KCNQ5: variants seen among roughly 807,000 people sequenced by gnomAD.
KCNQ5 encodes potassium voltage-gated channel subfamily KQT member 5.
In KCNQ5, 30 loss-of-function variants were observed where a neutral mutation model predicts 98.2. That is an observed-to-expected ratio of 0.31 (90% CI 0.23 to 0.41). The LOEUF is 0.41. KCNQ5 is among the 10% of genes least tolerant of loss of function. The probability of loss-of-function intolerance (pLI) is 1.00; values close to 1 mark genes in which losing one functional copy is unlikely to be tolerated. For missense variants in KCNQ5, 835 were observed against 1,182.5 expected, an observed-to-expected ratio of 0.71 and a Z score of 4.31; for synonymous variants, 458 against 449.4, an observed-to-expected ratio of 1.02 and a Z score of -0.24.
At chr6:72,771,637 A>G (rs1021222252) in intron 1 of KCNQ5, among the ~76,000 whole-genome samples, 1 of 141,886 alleles carries the variant, frequency 7.0e-6, no homozygotes, top group African/African-American at 2.6e-5. Context: ...ACATTTGAAT[A>G]TAGTAACCAT....
At chr6:72,804,940 A>T in intron 1 of KCNQ5, among the ~76,000 whole-genome samples, 1 of 152,038 alleles carries the variant, frequency 6.6e-6, no homozygotes, top group Non-Finnish European at 1.5e-5. Flanking sequence ...TTTTTCATAT[A>T]CCTGTTTGCA....
chr6:72,634,107 C>A (rs1459172752), intron 1 of KCNQ5, among the ~76,000 whole-genome samples: 1 of 152,142 alleles, frequency 6.6e-6, no homozygotes, highest in Non-Finnish European at 1.5e-5. Flanking sequence ...GCCCAGGGCT[C>A]CTCATATCAG....
chr6:72,861,751 C>T (rs866170522), intron 1 of KCNQ5, among the ~76,000 whole-genome samples: 9 of 151,698 alleles, frequency 5.9e-5, no homozygotes, highest in African/African-American at 1.5e-4. Flanking sequence ...ATATATGTTT[C>T]GGGCCCCATA....
At chr6:73,124,821 G>A (rs1463494577) in intron 9 of KCNQ5, among the ~76,000 whole-genome samples, 1 of 151,176 alleles carries the variant, frequency 6.6e-6, no homozygotes, top group African/African-American at 2.4e-5. Flanking sequence ...TCTTATCAAA[G>A]TATTCAAATA....
intron 9 of KCNQ5, among the ~76,000 whole-genome samples, chr6:73,130,142 T>TA (rs1776167218): frequency 6.6e-6 from 1 of 152,230 alleles, no homozygotes; most frequent in South Asian, 2.1e-4. Flanking sequence ...ACTGGATTGT[T>TA]ATGGCTCAGT....
chr6:73,127,440 A>G (rs1755737989), intron 9 of KCNQ5, among the ~76,000 whole-genome samples: 1 of 152,174 alleles, frequency 6.6e-6, no homozygotes, highest in Admixed American at 6.5e-5. Flanking sequence ...TCTTTGTGTT[A>G]CAAACTGAGA....
chr6:72,888,724 G>C lies in KCNQ5; in HGVS notation c.399-115184G>C, dbSNP rs186712804. On this transcript the variant is annotated intron_variant, in intron 1 of 13. Transcript: ENST00000370398. ...GATAATAAATTTCCAGTTCCACTAA[G>C]TGTTAGTGAATACCCATCACTTGGC... Among the ~76,000 whole-genome samples, 1,276 of 152,308 alleles carry C rather than the reference G, an allele frequency of 8.4e-3. 13 individuals are homozygous for C. The highest frequency in any genetic ancestry group is 0.027 in the African/African-American group (1,127 of 41,556).
intron 7 of KCNQ5, among the ~76,000 whole-genome samples, chr6:73,114,786 A>G (rs2150431826): frequency 6.6e-6 from 1 of 152,278 alleles, no homozygotes; most frequent in African/African-American, 2.4e-5. Context: ...AGAAACAGGG[A>G]ATTAAGTAAA....
intron 1 of KCNQ5, among the ~76,000 whole-genome samples, chr6:72,821,545 G>A (rs542311422): frequency 2.0e-5 from 3 of 151,814 alleles, no homozygotes; most frequent in Non-Finnish European, 2.9e-5. Flanking sequence ...TGCTACAGCC[G>A]TTTCTCTCTC....
At chr6:73,127,817 C>T (rs1330683452) in intron 9 of KCNQ5, among the ~76,000 whole-genome samples, 1 of 152,208 alleles carries the variant, frequency 6.6e-6, no homozygotes, top group African/African-American at 2.4e-5. Context: ...AATCCCAGCA[C>T]TTTGGGAGGC....
intron 10 of KCNQ5, chr6:73,157,852 T>C: frequency 1.3e-6 from 1 of 779,530 alleles, no homozygotes; most frequent in East Asian, 2.4e-5. Context: ...CCTCATGATC[T>C]GTGGGTTTTC....
Position 73,155,331 on chromosome 6 carries a change from T to C in KCNQ5, c.1469-14415T>C, listed in dbSNP as rs142432614. On this transcript the variant is annotated intron_variant, in intron 10 of 13. Transcript: ENST00000370398. ...TCCACATTGTGAGTGTCCCTTGCTATTGTTAGTGCCCCATGCATATTATAA... is the reference window on the plus strand; with the variant it reads ...TCCACATTGTGAGTGTCCCTTGCTACTGTTAGTGCCCCATGCATATTATAA... Among the ~76,000 whole-genome samples the C allele has an allele frequency of 1.7e-3, 259 of 152,354 alleles. 1 individual carries two copies. Among genetic ancestry groups the C allele is most frequent in the Middle Eastern group, 3.4e-3 (1 of 294 alleles).
At chr6:73,013,187 T>G (rs1460269674) in intron 2 of KCNQ5, among the ~76,000 whole-genome samples, 2 of 152,160 alleles carry the variant, frequency 1.3e-5, no homozygotes, top group Non-Finnish European at 2.9e-5. Context: ...AGTGACTCAG[T>G]GGTACACATT....
intron 1 of KCNQ5, chr6:72,986,881 G>A (rs990021889): frequency 9.1e-6 from 8 of 877,852 alleles, no homozygotes; most frequent in South Asian, 5.7e-5. Flanking sequence ...GCGAGGCTGG[G>A]GATGCTGCGG....
chr6:72,732,019 G>A (rs9341386), intron 1 of KCNQ5, among the ~76,000 whole-genome samples: 55,559 of 152,024 alleles, frequency 0.37, 13,752 homozygotes, highest in African/African-American at 0.67. Flanking sequence ...TAGTTTTTGA[G>A]CTTGAAAATG....
At chr6:72,961,463 G>GA (rs374500533) in intron 1 of KCNQ5, among the ~76,000 whole-genome samples, 2,274 of 150,840 alleles carry the variant, frequency 0.015, 20 homozygotes, top group Non-Finnish European at 0.025. Flanking sequence ...TAAAAAAATA[G>GA]AAAAAAAAAT....
Position 73,096,920 on chromosome 6 carries a change from G to A in KCNQ5, c.919-8337G>A, listed in dbSNP as rs1049905093. Among the ~76,000 whole-genome samples, 12 of 152,110 alleles carry A rather than the reference G, an allele frequency of 7.9e-5. No homozygotes were observed. In the East Asian group the frequency reaches 2.3e-3, roughly 29 times the overall value. On this transcript the variant is annotated intron_variant, in intron 5 of 13. Transcript: ENST00000370398. ...TAGCTGGGTGTGGTGGCGGATGCCT[G>A]TAATCCCAGCTACTCAAGAGGCTGA...
intron 1 of KCNQ5, among the ~76,000 whole-genome samples, chr6:72,821,018 G>T (rs1268480229): frequency 1.3e-5 from 2 of 152,254 alleles, no homozygotes; most frequent in East Asian, 1.9e-4. Flanking sequence ...TGGATGCAAG[G>T]GCAGAGAAAT....
At chr6:72,660,316 A>G (rs1766444545) in intron 1 of KCNQ5, among the ~76,000 whole-genome samples, 1 of 152,182 alleles carries the variant, frequency 6.6e-6, no homozygotes, top group African/African-American at 2.4e-5. Flanking sequence ...GAGGTGGCAG[A>G]GCTATCTTTG....
Sources: gnomAD v4.1 joint callset for allele counts (sites outside exome capture counted in the v4.1 genomes callset) on GRCh38, gnomAD v4.1.1 for gene constraint, MANE v1.5 for transcripts, NCBI Gene and HGNC (gene_info 2026-07-23, HGNC 2026-07-21) for gene names.